MTX2: variants seen among roughly 807,000 people sequenced by gnomAD.
MTX2 encodes the protein metaxin 2, also known as metaxin-2.
A neutral mutation model predicts 42.3 loss-of-function variants in MTX2; 35 were observed. That is an observed-to-expected ratio of 0.83 (90% CI 0.63 to 1.10). The LOEUF (loss-of-function observed/expected upper bound fraction) is 1.10, where lower values mean the gene tolerates loss of function less well. Ranked by LOEUF, MTX2 falls within the 50% of genes least tolerant of loss-of-function variation. The probability of loss-of-function intolerance (pLI) is 0.00; values close to 1 mark genes in which losing one functional copy is unlikely to be tolerated. For synonymous variants in MTX2, 119 were observed against 100.9 expected, an observed-to-expected ratio of 1.18 and a Z score of -1.08; for missense variants, 307 against 304.1, an observed-to-expected ratio of 1.01 and a Z score of -0.07.
At chr2:176,324,840 C>A (rs557002007) in intron 4 of MTX2, among the ~76,000 whole-genome samples, 62 of 151,840 alleles carry the variant, frequency 4.1e-4, no homozygotes, top group African/African-American at 1.5e-3. Flanking sequence ...ATGGCACTTT[C>A]TACTAAGATA....
chr2:176,292,433 T>A (rs1314375118), intron 1 of MTX2, among the ~76,000 whole-genome samples: 1 of 141,222 alleles, frequency 7.1e-6, no homozygotes, highest in African/African-American at 2.7e-5. Flanking sequence ...AAATCCTTAA[T>A]CTCCTCTTTT....
intron 3 of MTX2, among the ~76,000 whole-genome samples, chr2:176,298,313 G>A (rs1225801082): frequency 6.6e-6 from 1 of 151,836 alleles, no homozygotes; most frequent in African/African-American, 2.4e-5. Flanking sequence ...GCACTCATTG[G>A]CCTCTAGCTT....
chr2:176,325,511 C>A (rs936617339), intron 4 of MTX2, among the ~76,000 whole-genome samples: 10 of 151,548 alleles, frequency 6.6e-5, no homozygotes, highest in African/African-American at 2.4e-4. Context: ...TGACAACGCT[C>A]AATGTATTTT....
intron 8 of MTX2, 85 bp downstream of exon 8, chr2:176,329,511 T>C (rs768909446): frequency 1.6e-6 from 2 of 1,274,270 alleles, no homozygotes; most frequent in Non-Finnish European, 2.1e-6. Context: ...TTTAAAAAAA[T>C]ATATATAAGA....
At chr2:176,292,043 A>G (rs1558929040) in intron 1 of MTX2, among the ~76,000 whole-genome samples, 1 of 152,174 alleles carries the variant, frequency 6.6e-6, no homozygotes, top group Non-Finnish European at 1.5e-5. Flanking sequence ...TTAAGCATAA[A>G]ATTTACTTTT....
In MTX2 at chr2:176,335,965, A is replaced by T. The variant is rs1684978597; in HGVS notation, c.621-1528A>T. ...ATCAAGATGGTATTTAAAGCCATGC[A>T]TCTCTAGGAGACTACTTATCAATAG... On this transcript the variant is annotated intron_variant, in intron 9 of 9. Coordinates refer to ENST00000249442, the MANE Select transcript of MTX2 (RefSeq NM_006554.5). Among the ~76,000 whole-genome samples, 3 of 152,126 alleles carry T rather than the reference A, an allele frequency of 2.0e-5. No individual in the cohort carries two copies. In the South Asian group the frequency reaches 6.2e-4, roughly 32 times the overall value.
chr2:176,317,188 C>T (rs974035317), intron 3 of MTX2, among the ~76,000 whole-genome samples: 1 of 151,784 alleles, frequency 6.6e-6, no homozygotes, highest in Non-Finnish European at 1.5e-5. Flanking sequence ...TGTTATGTAC[C>T]AGGCGCATAA....
intron 1 of MTX2, among the ~76,000 whole-genome samples, chr2:176,273,454 G>T (rs1447265332): frequency 6.6e-6 from 1 of 152,114 alleles, no homozygotes; most frequent in Non-Finnish European, 1.5e-5. Flanking sequence ...ATCTGTTTTT[G>T]TAGTTGAGAG....
chr2:176,285,418 C>CT (rs61139522), intron 1 of MTX2, among the ~76,000 whole-genome samples: 35,507 of 130,598 alleles, frequency 0.27, 5,001 homozygotes, highest in Admixed American at 0.34. Flanking sequence ...TTGCCACAAT[C>CT]TTTTTTTTTT....
chr2:176,274,999 G>T lies in MTX2; in HGVS notation c.40+5330G>T, dbSNP rs530870207. On this transcript the variant is annotated intron_variant, in intron 1 of 9. Coordinates refer to ENST00000249442, the MANE Select transcript of MTX2 (RefSeq NM_006554.5). ...CATAGTAGAAAGGGAATTTTGGCAAGTGTATTCAGTGTAGGTAAGCTGATG... is the reference window on the plus strand; with the variant it reads ...CATAGTAGAAAGGGAATTTTGGCAATTGTATTCAGTGTAGGTAAGCTGATG... 3.3e-5 allele frequency among the ~76,000 whole-genome samples: 5 copies of T among 152,286 alleles called. No individual in the cohort carries two copies. The East Asian group carries it at 9.7e-4, about 30-fold the overall frequency.
At chr2:176,332,592 C>T (rs1298219498) in intron 9 of MTX2, among the ~76,000 whole-genome samples, 5 of 151,166 alleles carry the variant, frequency 3.3e-5, no homozygotes, top group East Asian at 1.9e-4. Context: ...AACCAAATAC[C>T]GTTACTTGAT....
At chr2:176,307,499 G>A (rs1684182731) in intron 3 of MTX2, among the ~76,000 whole-genome samples, 1 of 152,162 alleles carries the variant, frequency 6.6e-6, no homozygotes, top group Non-Finnish European at 1.5e-5. Context: ...CAGGCAGTAT[G>A]GCCATTTTCA....
chr2:176,276,125 T>C (rs1409182269), intron 1 of MTX2, among the ~76,000 whole-genome samples: 2 of 152,248 alleles, frequency 1.3e-5, no homozygotes, highest in Non-Finnish European at 2.9e-5. Context: ...TAAAAATTTA[T>C]TTGTAAATAA....
chr2:176,284,045 A>G (rs529784692), intron 1 of MTX2, among the ~76,000 whole-genome samples: 3 of 152,134 alleles, frequency 2.0e-5, no homozygotes, highest in Non-Finnish European at 4.4e-5. Context: ...TTAATTTATC[A>G]TTATCATATG....
intron 3 of MTX2, among the ~76,000 whole-genome samples, chr2:176,307,757 C>T (rs769513740): frequency 3.3e-5 from 5 of 152,164 alleles, no homozygotes; most frequent in Non-Finnish European, 7.3e-5. Flanking sequence ...ATTTTGTACC[C>T]TGACACTTTG....
At chr2:176,307,295 G>GT (rs1309243485) in intron 3 of MTX2, among the ~76,000 whole-genome samples, 3 of 152,300 alleles carry the variant, frequency 2.0e-5, no homozygotes, top group Admixed American at 6.5e-5. Flanking sequence ...GTACCATGCT[G>GT]TTTTTGTTAC....
intron 1 of MTX2, among the ~76,000 whole-genome samples, chr2:176,282,244 G>A (rs1693098864): frequency 1.4e-5 from 2 of 145,060 alleles, no homozygotes; most frequent in South Asian, 4.4e-4. Context: ...TGTGCTAGGT[G>A]CTCTGCCAGG....
Position 176,269,463 on chromosome 2 carries a change from T to TA in MTX2, c.-165dup. The TA allele has an allele frequency of 2.9e-6, 2 of 696,090 alleles. No homozygotes were observed. Among genetic ancestry groups the TA allele is most frequent in the Non-Finnish European group, 4.4e-6 (2 of 452,668 alleles). 43.1% of individuals were successfully genotyped at this position (696,090 alleles called of 1,614,324 possible). On this transcript the variant is annotated 5_prime_UTR_variant, in exon 1 of 10. Coordinates refer to ENST00000249442, the MANE Select transcript of MTX2 (RefSeq NM_006554.5). ...GGAAGTCCCTAGCCAGGCCTGGCGG[T>TA]AACCTTGGGGGCCTCACTGCAGCCG...
chr2:176,327,621 A>G (rs1013311991), intron 5 of MTX2, among the ~76,000 whole-genome samples: 1 of 148,758 alleles, frequency 6.7e-6, no homozygotes, highest in African/African-American at 2.4e-5. Flanking sequence ...GATAAATTAG[A>G]ATTTTATTTA....
Sources: allele counts gnomAD v4.1 joint callset (sites outside exome capture counted in the v4.1 genomes callset), GRCh38; gene constraint gnomAD v4.1.1; transcripts MANE v1.5; gene names NCBI Gene and HGNC (gene_info 2026-07-23, HGNC 2026-07-21).